COPG2: variants seen among roughly 807,000 people sequenced by gnomAD.
COPG2 encodes coat protein complex I subunit gamma 2.
COPG2 carries 37 observed loss-of-function variants against 46.3 expected under a neutral mutation model. The observed-to-expected ratio is 0.80, with a 90% CI of 0.61 to 1.05. The LOEUF (loss-of-function observed/expected upper bound fraction) is 1.05, where lower values mean the gene tolerates loss of function less well. Among genes scored for constraint, COPG2 ranks in the 50% least tolerant of loss-of-function variants. COPG2 has a pLI of 0.00. For synonymous variants in COPG2, 159 were observed against 129.7 expected (o/e 1.23, Z -1.53); for missense variants, 427 against 387.8 (o/e 1.10, Z -0.85).
At chr7:130,641,304 C>T (rs1175756661) in intron 5 of COPG2, among the ~76,000 whole-genome samples, 1 of 151,900 alleles carries the variant, frequency 6.6e-6, no homozygotes, top group Non-Finnish European at 1.5e-5. Context: ...CAGAATAATT[C>T]CAGGCACAGG....
chr7:130,643,554 C>T lies in COPG2; in HGVS notation c.323+9315G>A, dbSNP rs377154574. Reference sequence around the variant, plus strand: ...GTTTGAGAACTTCAACTTCAACGTTCGGGGTTCTCTTTTAACTCAAGGCCA... The same window carrying T: ...GTTTGAGAACTTCAACTTCAACGTTTGGGGTTCTCTTTTAACTCAAGGCCA... On this transcript the variant is annotated intron_variant, in intron 5 of 23. Transcript: ENST00000425248. Among the ~76,000 whole-genome samples the T allele has an allele frequency of 3.0e-4, 46 of 152,142 alleles. 1 individual carries two copies. In the South Asian group the frequency reaches 5.6e-3, roughly 19 times the overall value.
chr7:130,640,431 T>C (rs1157380604), intron 5 of COPG2, among the ~76,000 whole-genome samples: 1 of 151,126 alleles, frequency 6.6e-6, no homozygotes, highest in Non-Finnish European at 1.5e-5. Flanking sequence ...AGGGTTGTTA[T>C]TTATTATTAT....
At chr7:130,583,090 A>T (rs1243533144) in intron 9 of COPG2, among the ~76,000 whole-genome samples, 1 of 151,244 alleles carries the variant, frequency 6.6e-6, no homozygotes, top group Non-Finnish European at 1.5e-5. Flanking sequence ...AAGACTTGGA[A>T]CCAACCCAAA....
At chr7:130,598,415 A>C (rs965082483) in intron 9 of COPG2, among the ~76,000 whole-genome samples, 3 of 152,202 alleles carry the variant, frequency 2.0e-5, no homozygotes, top group African/African-American at 7.2e-5. Context: ...TTCAAGTCCT[A>C]AACTTCCTGG....
At chr7:130,517,596 G>A (rs2116342788) in intron 20 of COPG2, among the ~76,000 whole-genome samples, 1 of 152,328 alleles carries the variant, frequency 6.6e-6, no homozygotes, top group South Asian at 2.1e-4. Flanking sequence ...TTTAGGGAGG[G>A]TGGGTGAGTA....
chr7:130,649,619 C>T (rs782641129), intron 5 of COPG2, among the ~76,000 whole-genome samples: 7 of 152,150 alleles, frequency 4.6e-5, no homozygotes, highest in Non-Finnish European at 7.3e-5. Context: ...AATGCATTTC[C>T]ACCATCTGTT....
chr7:130,576,313 T>C (rs554612702), intron 9 of COPG2, among the ~76,000 whole-genome samples: 157 of 152,346 alleles, frequency 1.0e-3, no homozygotes, highest in Admixed American at 2.2e-3. Flanking sequence ...GGCCATATGA[T>C]AGGCCATAAA....
chr7:130,582,333 T>C (rs1325346657), intron 9 of COPG2, among the ~76,000 whole-genome samples: 114 of 145,286 alleles, frequency 7.8e-4, no homozygotes, highest in African/African-American at 2.6e-3. Flanking sequence ...TTACACCTTA[T>C]ACAAAAATCA....
At chr7:130,653,118 T>C (rs1368374609) in intron 4 of COPG2, among the ~76,000 whole-genome samples, 170 bp from the exon 5 acceptor site, 1 of 152,154 alleles carries the variant, frequency 6.6e-6, no homozygotes, top group Non-Finnish European at 1.5e-5. Flanking sequence ...TTCAGAATAC[T>C]AATATTTCCT....
At chr7:130,595,232 T>C (rs1794505018) in intron 9 of COPG2, among the ~76,000 whole-genome samples, 1 of 152,206 alleles carries the variant, frequency 6.6e-6, no homozygotes, top group African/African-American at 2.4e-5. Flanking sequence ...CTTGAAAACA[T>C]TATACTAAAT....
intron 5 of COPG2, among the ~76,000 whole-genome samples, chr7:130,632,870 T>C (rs1795257341): frequency 6.6e-6 from 1 of 152,128 alleles, no homozygotes; most frequent in South Asian, 2.1e-4. Flanking sequence ...CATTAGGTAC[T>C]TCTCCTAATG....
chr7:130,625,672 G>GTT (rs35495315), intron 5 of COPG2, among the ~76,000 whole-genome samples: 103 of 141,554 alleles, frequency 7.3e-4, no homozygotes, highest in African/African-American at 2.6e-3. Context: ...TGCTTTCTCC[G>GTT]TTTTTTTTTT....
At position 130,598,606 on chromosome 7, in the gene COPG2, C is replaced by T. The variant is rs148954108; in HGVS notation, c.737+12347G>A. 7.0e-3 allele frequency among the ~76,000 whole-genome samples: 1,063 copies of T among 152,320 alleles called. 5 individuals carry two copies. The highest frequency in any genetic ancestry group is 0.024 in the Middle Eastern group (7 of 294). On this transcript the variant is annotated intron_variant, in intron 9 of 23. Coordinates refer to ENST00000425248, the MANE Select transcript of COPG2 (RefSeq NM_012133.6). ...ACTCATAACTTTCCTAGGTATGGCACGATTTGGATCCCAGGATTTCAGCTC... is the reference window on the plus strand; with the variant it reads ...ACTCATAACTTTCCTAGGTATGGCATGATTTGGATCCCAGGATTTCAGCTC...
intron 5 of COPG2, among the ~76,000 whole-genome samples, chr7:130,639,880 T>C (rs985380309): frequency 1.4e-4 from 21 of 152,102 alleles, no homozygotes; most frequent in African/African-American, 4.3e-4. Context: ...CCCTGTACTA[T>C]GCAAGTGGGC....
At chr7:130,511,216 G>C (rs2116330346) in intron 20 of COPG2, among the ~76,000 whole-genome samples, 2 of 152,252 alleles carry the variant, frequency 1.3e-5, no homozygotes, top group Middle Eastern at 6.8e-3. Context: ...CCATGACAAA[G>C]TAAGAGACAC....
intron 5 of COPG2, among the ~76,000 whole-genome samples, chr7:130,620,727 AT>A (rs1245868301): frequency 6.6e-6 from 1 of 152,212 alleles, no homozygotes; most frequent in African/African-American, 2.4e-5. Context: ...AGATGATTAG[AT>A]TATGAGATTT....
intron 4 of COPG2, among the ~76,000 whole-genome samples, chr7:130,657,834 G>A (rs191240548): frequency 4.7e-5 from 7 of 150,450 alleles, no homozygotes; most frequent in Non-Finnish European, 7.4e-5. Flanking sequence ...GTCACAAAGG[G>A]ATACCATTAT....
chr7:130,514,103 C>T (rs1410344564), intron 20 of COPG2, among the ~76,000 whole-genome samples: 2 of 152,182 alleles, frequency 1.3e-5, no homozygotes, highest in East Asian at 3.9e-4. Flanking sequence ...AATGTTGGCT[C>T]TTAATTGCAG....
At chr7:130,604,250 A>C (rs149937147) in intron 9 of COPG2, among the ~76,000 whole-genome samples, 387 of 152,338 alleles carry the variant, frequency 2.5e-3, no homozygotes, top group Non-Finnish European at 3.0e-3. Flanking sequence ...TATTTATAAG[A>C]AGCCAATTGG....
Sources: allele counts gnomAD v4.1 joint callset (sites outside exome capture counted in the v4.1 genomes callset), GRCh38; gene constraint gnomAD v4.1.1; transcripts MANE v1.5; gene names NCBI Gene and HGNC (gene_info 2026-07-23, HGNC 2026-07-21).